The following APLP1 variants were observed in gnomAD, a reference collection of about 807,000 sequenced individuals.
APLP1 encodes the protein amyloid beta (A4) precursor-like protein 1.
Under a neutral mutation model 84.5 loss-of-function variants are expected in APLP1, and 46 were observed. The observed-to-expected ratio is 0.54, with a 90% CI of 0.43 to 0.70. The LOEUF (loss-of-function observed/expected upper bound fraction) is 0.70. Among genes scored for constraint, APLP1 ranks in the 30% least tolerant of loss-of-function variants. The pLI is 0.00. For synonymous variants in APLP1, 376 were observed against 364.0 expected, an observed-to-expected ratio of 1.03 and a Z score of -0.38; for missense variants, 826 against 900.2, an observed-to-expected ratio of 0.92 and a Z score of 1.05.
At chr19:35,869,340 T>C in intron 1 of APLP1, 1 of 553,118 alleles carries the variant, frequency 1.8e-6, no homozygotes, top group Non-Finnish European at 3.1e-6. Flanking sequence ...GGGCCAGAAC[T>C]CCTGGGTTCT....
chr19:35,873,404 C>T (rs1399413364), intron 7 of APLP1, among the ~76,000 whole-genome samples: 2 of 151,882 alleles, frequency 1.3e-5, no homozygotes, highest in African/African-American at 4.8e-5. Flanking sequence ...CCCACCACAG[C>T]GCCCAGATAA....
Position 35,868,691 on chromosome 19 carries a change from C to A in APLP1, c.55C>A (p.Pro19Thr), listed in dbSNP as rs113170155. 1 of 1,413,540 alleles carries A rather than the reference C, an allele frequency of 7.1e-7. No individual in the cohort carries two copies. The highest frequency in any genetic ancestry group is 9.2e-7 in the Non-Finnish European group (1 of 1,087,928). The allele number at this position is 1,413,540 out of a possible 1,614,324, so 87.6% of individuals were successfully genotyped here. Residue 19 changes from proline (P) to threonine (T), a missense_variant, in exon 1 of 17, where the codon CCG (proline) becomes ACG (threonine). Coordinates refer to ENST00000221891, the MANE Select transcript of APLP1 (RefSeq NM_001024807.3). This position sits in a 1 kb window ranked among gnomAD's most constrained non-coding sequence, Gnocchi z 5.2. ...TCTAAGTCGCCGCCCGGGCCAGCCG[C>A]CGCTGCCGCTGCTGCTGCCACTATT... is the stretch of plus-strand genomic sequence containing the variant. ...RGLSRRPGQP[P>T]LPLLLPLLLL... is the part of the protein sequence containing the mutation.
At position 35,879,532 on chromosome 19, in the gene APLP1, TC is replaced by T; in HGVS notation, c.*92del. 9.2e-7 allele frequency: 1 copy of T among 1,087,046 alleles called. No individual in the cohort carries two copies. Among genetic ancestry groups the T allele is most frequent in the Non-Finnish European group, 1.4e-6 (1 of 729,602 alleles). 67.3% of individuals were successfully genotyped at this position (1,087,046 alleles called of 1,614,324 possible). A position where few individuals can be genotyped will look rare whatever the true frequency, so the allele number is the denominator to read the frequency against. On this transcript the variant is annotated 3_prime_UTR_variant, in exon 17 of 17. Transcript: ENST00000221891. Reference sequence around the variant, plus strand: ...ACTCCCAGCCTAGGGCAGCAGGGAGTCTTGAAGTGATCATTTCACACCCTTT... The same window carrying T: ...ACTCCCAGCCTAGGGCAGCAGGGAGTTTGAAGTGATCATTTCACACCCTTT...
chr19:35,877,711 C>T lies in APLP1; in HGVS notation c.1445-7C>T. On this transcript the variant is annotated splice_region_variant and splice_polypyrimidine_tract_variant and intron_variant, in intron 11 of 16. Transcript: ENST00000221891. Reference sequence around the variant, plus strand: ...ACCTCAGCCACCTTTCTGCATGTCCCCCTCAGAGGAACTCCTCCACTCTGA... The same window carrying T: ...ACCTCAGCCACCTTTCTGCATGTCCTCCTCAGAGGAACTCCTCCACTCTGA... 1 of 1,607,676 alleles carries T rather than the reference C, an allele frequency of 6.2e-7. No homozygotes were observed. Among genetic ancestry groups the T allele is most frequent in the South Asian group, 1.1e-5 (1 of 90,854 alleles).
rs77209402 is a variant in APLP1 at position 35,870,907 on chromosome 19, G to A, written c.303G>A (p.Glu101=). 2,889 of 1,604,572 alleles carry A rather than the reference G, an allele frequency of 1.8e-3. 45 individuals carry two copies. The African/African-American group carries it at 0.033, about 18-fold the overall frequency. The change falls in exon 3 of 17, where the codon GAG becomes GAA. Residue 101 remains glutamate (E), a synonymous_variant. Transcript: ENST00000221891. ...VLEYCRQMYP[E]LQIARVEQAT... The stretch of plus-strand genomic sequence containing the variant: ...TCTGATCCCCCCAGATGTACCCGGA[G>A]CTGCAGATTGCACGTGTGGAGCAGG...
chr19:35,868,838 G>T lies in APLP1; in HGVS notation c.147+55G>T. The T allele has an allele frequency of 4.8e-6, 6 of 1,254,070 alleles. 1 individual carries two copies. The highest frequency in any genetic ancestry group is 6.0e-6 in the Non-Finnish European group (6 of 995,498). 77.7% of individuals were successfully genotyped at this position (1,254,070 alleles called of 1,614,324 possible). On this transcript the variant is annotated intron_variant, in intron 1 of 16. Transcript: ENST00000221891. This position sits in a 1 kb window ranked among gnomAD's most constrained non-coding sequence, Gnocchi z 5.2. Reference sequence around the variant, plus strand: ...GGGAAGGGGCGGGACCGGGTCTCTGGACGCCGGCGCGGACATGTCCAGGGC... The same window carrying T: ...GGGAAGGGGCGGGACCGGGTCTCTGTACGCCGGCGCGGACATGTCCAGGGC...
chr19:35,876,683 G>A (rs1289083915), intron 11 of APLP1, 67 bp downstream of exon 11: 1 of 1,307,378 alleles, frequency 7.6e-7, no homozygotes, highest in Non-Finnish European at 1.0e-6. Context: ...CTAAATGTTG[G>A]GCCCCCCCAA....
chr19:35,877,462 T>C (rs1974308040), intron 11 of APLP1, among the ~76,000 whole-genome samples: 1 of 147,188 alleles, frequency 6.8e-6, no homozygotes, highest in Admixed American at 6.9e-5. Context: ...GCACTCCAGC[T>C]GGGCAACAAG....
Position 35,874,617 on chromosome 19 carries a change from TGC to T in APLP1, c.1171_1172del (p.Ala391LeufsTer66). On this transcript the variant is annotated frameshift_variant, in exon 9 of 17. Coordinates refer to ENST00000221891, the MANE Select transcript of APLP1 (RefSeq NM_001024807.3). LOFTEE classifies it high-confidence loss of function. The surrounding 1 kb of genome is among the most constrained non-coding windows in gnomAD (Gnocchi z 6.4). ...IALINDQRRA[A>X]LEGFLAALQA... ...CCCTTATCAACGACCAGCGCCGGGC[TGC>T]CTTGGAGGGCTTCCTGGCAGCCCTG... is the stretch of plus-strand genomic sequence containing the variant. The T allele has an allele frequency of 6.2e-7, 1 of 1,613,924 alleles. No homozygotes were observed. The highest frequency in any genetic ancestry group is 8.5e-7 in the Non-Finnish European group (1 of 1,180,028).
Position 35,879,450 on chromosome 19 carries a change from C to G in APLP1, c.*9C>G. On this transcript the variant is annotated 3_prime_UTR_variant, in exon 17 of 17. Transcript: ENST00000221891. ...TGGAGGAACGACCCTGACCCGGCCCCCTTCACCCCTTCAGCCGAGCCCAGA... is the reference window on the plus strand; with the variant it reads ...TGGAGGAACGACCCTGACCCGGCCCGCTTCACCCCTTCAGCCGAGCCCAGA... 1 of 1,611,796 alleles carries G rather than the reference C, an allele frequency of 6.2e-7. No homozygotes were observed. Among genetic ancestry groups the G allele is most frequent in the East Asian group, 2.2e-5 (1 of 44,856 alleles).
intron 1 of APLP1, chr19:35,869,381 C>T (rs1974080538): frequency 1.6e-6 from 1 of 616,700 alleles, no homozygotes; most frequent in African/African-American, 1.9e-5. Flanking sequence ...AGGTTTAACC[C>T]CTTCGGGCTC....
At position 35,874,443 on chromosome 19, in the gene APLP1, T is replaced by TC. The variant is rs987388274; in HGVS notation, c.1057-60dup. The TC allele has an allele frequency of 2.4e-5, 39 of 1,595,780 alleles. No individual in the cohort carries two copies. In the African/African-American group the frequency reaches 5.0e-4, roughly 20 times the overall value. ...CATGTAGCCCTGCCTTTCCAGGCTC[T>TC]CTTTGACCAGGCTTTGACCCATCTT... is the stretch of plus-strand genomic sequence containing the variant. On this transcript the variant is annotated intron_variant, in intron 8 of 16. Coordinates refer to ENST00000221891, the MANE Select transcript of APLP1 (RefSeq NM_001024807.3). The surrounding 1 kb of genome is among the most constrained non-coding windows in gnomAD (Gnocchi z 6.4).
chr19:35,869,518 T>G, intron 1 of APLP1, 149 bp from the exon 2 acceptor site: 1 of 1,132,080 alleles, frequency 8.8e-7, no homozygotes, highest in Non-Finnish European at 1.3e-6. Context: ...GGGAGCTGTT[T>G]CCCAGGGAAC....
intron 2 of APLP1, chr19:35,870,100 AGACCTTAAG>A (rs752584027): frequency 1.1e-4 from 50 of 456,692 alleles, no homozygotes; most frequent in Non-Finnish European, 1.6e-4. Context: ...AGACAGAAAG[AGACCTTAAG>A]GACCAGCAAG....
chr19:35,869,583 G>A (rs572975466), intron 1 of APLP1, 84 bp from the exon 2 acceptor site: 3 of 1,544,666 alleles, frequency 1.9e-6, no homozygotes, highest in Non-Finnish European at 2.6e-6. Flanking sequence ...GGTGCTGGGG[G>A]TCTCGGTCCT....
Position 35,874,977 on chromosome 19 carries a change from C to T in APLP1, c.1344+108C>T, listed in dbSNP as rs1242334312. 7.6e-6 allele frequency: 11 copies of T among 1,446,092 alleles called. No individual in the cohort carries two copies. In the East Asian group the frequency reaches 2.5e-4, roughly 32 times the overall value. The allele number at this position is 1,446,092 out of a possible 1,614,324, so 89.6% of individuals were successfully genotyped here. A position where few individuals can be genotyped will look rare whatever the true frequency, so the allele number is the denominator to read the frequency against. On this transcript the variant is annotated intron_variant, in intron 10 of 16. Coordinates refer to ENST00000221891, the MANE Select transcript of APLP1 (RefSeq NM_001024807.3). This position sits in a 1 kb window ranked among gnomAD's most constrained non-coding sequence, Gnocchi z 6.4. ...CTCTTTCTGTCTCTTGGACCCCTTC[C>T]TATCCCCTGAACACCGCTTCTCTGC...
chr19:35,877,697 C>G, intron 11 of APLP1, 21 bp from the exon 12 acceptor site: 2 of 1,590,796 alleles, frequency 1.3e-6, no homozygotes, highest in Non-Finnish European at 8.6e-7. Context: ...CCTCAGCCAC[C>G]TTTCTGCATG....
In APLP1 at chr19:35,879,077, C is replaced by T. The variant is rs1412827312; in HGVS notation, c.1717C>T (p.Pro573Ser). Reference protein sequence around the residue: ...SSEIQRDELAPAGTGVSREAV... With the variant: ...SSEIQRDELASAGTGVSREAV... Reference sequence around the variant, plus strand: ...GCCCCATCTCCTCTCCCTGCAGGCACCAGCTGGGACAGGGGTGTCCCGTGA... The same window carrying T: ...GCCCCATCTCCTCTCCCTGCAGGCATCAGCTGGGACAGGGGTGTCCCGTGA... The change falls in exon 16 of 17, where the codon CCA (proline) becomes TCA (serine). Residue 573 changes from proline to serine, a missense_variant. Physicochemically the swap from Pro to Ser is moderately conservative, Grantham distance 74 (BLOSUM62 -1). Coordinates refer to ENST00000221891, the MANE Select transcript of APLP1 (RefSeq NM_001024807.3). 1 of 1,612,178 alleles carries T rather than the reference C, an allele frequency of 6.2e-7. No homozygotes were observed. The highest frequency in any genetic ancestry group is 1.3e-5 in the African/African-American group (1 of 74,924).
chr19:35,870,886 A>T lies in APLP1; in HGVS notation c.292-10A>T, dbSNP rs373243431. 1.2e-6 allele frequency: 2 copies of T among 1,602,340 alleles called. No homozygotes were observed. Among genetic ancestry groups the T allele is most frequent in the African/African-American group, 2.7e-5 (2 of 74,844 alleles). On this transcript the variant is annotated splice_polypyrimidine_tract_variant and intron_variant, in intron 2 of 16. Transcript: ENST00000221891. ...GCAGTGGGCTGATTGCCCCCATCTG[A>T]TCCCCCCAGATGTACCCGGAGCTGC... is the stretch of plus-strand genomic sequence containing the variant.
Sources: gnomAD v4.1 joint callset for allele counts (sites outside exome capture counted in the v4.1 genomes callset) on GRCh38, gnomAD v4.1.1 for gene constraint, Gnocchi (gnomAD v3.1) non-coding constraint, MANE v1.5 for transcripts, NCBI Gene and HGNC (gene_info 2026-07-23, HGNC 2026-07-21) for gene names.